The following POU2F3 variants were observed in gnomAD, a reference collection of about 807,000 sequenced individuals.
POU2F3 encodes the protein POU domain, class 2, transcription factor 3.
A neutral mutation model predicts 59.2 loss-of-function variants in POU2F3; 23 were observed. The ratio of observed to expected loss-of-function variants is 0.39; its 90% confidence interval spans 0.28 to 0.55. The LOEUF is 0.55. Among genes scored for constraint, POU2F3 ranks in the 20% least tolerant of loss-of-function variants. The probability of loss-of-function intolerance (pLI) is 0.66; values close to 1 mark genes in which losing one functional copy is unlikely to be tolerated. For missense variants in POU2F3, 473 were observed against 544.5 expected, an observed-to-expected ratio of 0.87 and a Z score of 1.31; for synonymous variants, 190 against 214.6, an observed-to-expected ratio of 0.89 and a Z score of 1.00.
chr11:120,311,606 A>G (rs1033665520), intron 10 of POU2F3, among the ~76,000 whole-genome samples: 3 of 152,146 alleles, frequency 2.0e-5, no homozygotes, highest in African/African-American at 4.8e-5. Flanking sequence ...GAGTGGGAAG[A>G]AGTGATGATT....
At chr11:120,268,401 C>T (rs1393141694) in intron 2 of POU2F3, among the ~76,000 whole-genome samples, 1 of 152,088 alleles carries the variant, frequency 6.6e-6, no homozygotes, top group Non-Finnish European at 1.5e-5. Context: ...AGTGCAGTGG[C>T]ACAATCAGGG....
At chr11:120,290,781 G>A (rs1383425130) in intron 3 of POU2F3, among the ~76,000 whole-genome samples, 1 of 152,186 alleles carries the variant, frequency 6.6e-6, no homozygotes, top group African/African-American at 2.4e-5. Context: ...TCTGTGTAGT[G>A]CTTCACGATC....
intron 3 of POU2F3, among the ~76,000 whole-genome samples, chr11:120,286,675 G>T (rs934916065): frequency 5.3e-5 from 8 of 152,258 alleles, no homozygotes; most frequent in African/African-American, 1.7e-4. Flanking sequence ...CGCTCTTTGA[G>T]TCAGTTAATG....
chr11:120,313,288 G>A (rs1467044388), intron 10 of POU2F3, among the ~76,000 whole-genome samples: 1 of 152,156 alleles, frequency 6.6e-6, no homozygotes, highest in Non-Finnish European at 1.5e-5. Flanking sequence ...GCTTTCATTC[G>A]ACACATATTT....
At chr11:120,310,083 A>G (rs1231085023) in intron 10 of POU2F3, among the ~76,000 whole-genome samples, 1 of 152,226 alleles carries the variant, frequency 6.6e-6, no homozygotes, top group African/African-American at 2.4e-5. Flanking sequence ...AGCTCTAGCC[A>G]GAGAAAGCTG....
chr11:120,245,697 G>T (rs1003969758), intron 1 of POU2F3, among the ~76,000 whole-genome samples: 2 of 152,208 alleles, frequency 1.3e-5, no homozygotes, highest in African/African-American at 4.8e-5. Flanking sequence ...TTATTGAAAT[G>T]AAGCAGGGCA....
At chr11:120,244,444 G>C (rs1298522485) in intron 1 of POU2F3, among the ~76,000 whole-genome samples, 1 of 152,180 alleles carries the variant, frequency 6.6e-6, no homozygotes, top group Non-Finnish European at 1.5e-5. Flanking sequence ...AAAACCCTGG[G>C]AAGTGTATAT....
At chr11:120,312,606 A>C (rs1941680279) in intron 10 of POU2F3, among the ~76,000 whole-genome samples, 1 of 152,232 alleles carries the variant, frequency 6.6e-6, no homozygotes, top group African/African-American at 2.4e-5. Flanking sequence ...AGTTGGAGGC[A>C]ACATGATATT....
intron 9 of POU2F3, among the ~76,000 whole-genome samples, 187 bp from the exon 10 acceptor site, chr11:120,309,238 G>T (rs993838327): frequency 3.9e-5 from 6 of 152,184 alleles, no homozygotes; most frequent in Admixed American, 3.9e-4. Context: ...TAGATGACAA[G>T]ACAGGCTCAG....
chr11:120,282,673 A>C (rs917380639), intron 3 of POU2F3, among the ~76,000 whole-genome samples: 2 of 152,242 alleles, frequency 1.3e-5, no homozygotes, highest in African/African-American at 2.4e-5. Context: ...AAACAAAAAA[A>C]AGAGAAATAT....
At chr11:120,289,166 G>A (rs1940932397) in intron 3 of POU2F3, among the ~76,000 whole-genome samples, 1 of 152,144 alleles carries the variant, frequency 6.6e-6, no homozygotes, top group Admixed American at 6.5e-5. Context: ...TTGGCTTAGG[G>A]ACCTTCAGAT....
chr11:120,251,919 C>T (rs112667243), intron 2 of POU2F3, among the ~76,000 whole-genome samples: 9,710 of 150,602 alleles, frequency 0.064, 464 homozygotes, highest in East Asian at 0.22. Context: ...CTCAGCCTCC[C>T]GAATAGCTGG....
upstream of POU2F3, chr11:120,236,698 G>C (rs752740354): frequency 2.7e-6 from 4 of 1,502,152 alleles, no homozygotes; most frequent in Non-Finnish European, 3.6e-6. Flanking sequence ...AACTGCTAAA[G>C]GAGGAAGGGG....
intron 2 of POU2F3, among the ~76,000 whole-genome samples, chr11:120,251,628 C>A (rs968569394): frequency 2.0e-5 from 3 of 152,078 alleles, no homozygotes; most frequent in Admixed American, 2.0e-4. Context: ...TCCTGATATT[C>A]CTGCTATGAA....
At position 120,240,442 on chromosome 11, in the gene POU2F3, G is replaced by A. The variant is rs113817567; in HGVS notation, c.28+71G>A. 9.9e-4 allele frequency: 1,289 copies of A among 1,299,030 alleles called. 13 individuals are homozygous for A. The African/African-American group carries it at 0.018, about 18-fold the overall frequency. The allele number at this position is 1,299,030 out of a possible 1,614,324, so 80.5% of individuals were successfully genotyped here. A position where few individuals can be genotyped will look rare whatever the true frequency, so the allele number is the denominator to read the frequency against. On this transcript the variant is annotated intron_variant, in intron 1 of 12. Transcript: ENST00000543440. ...GGCAGGGGTGAAGGAGAGGGACAAC[G>A]TTCTGGTTAGGGAGGGGGGCTTGTT...
At chr11:120,237,602 A>G (rs1938534071), upstream of POU2F3, among the ~76,000 whole-genome samples, 1 of 152,226 alleles carries the variant, frequency 6.6e-6, no homozygotes, top group African/African-American at 2.4e-5. Context: ...AAAAAGGGCA[A>G]CGGGCCCCAG....
intron 3 of POU2F3, among the ~76,000 whole-genome samples, chr11:120,281,274 G>C (rs929381353): frequency 6.6e-6 from 1 of 151,568 alleles, no homozygotes; most frequent in Non-Finnish European, 1.5e-5. Flanking sequence ...AAGCCAATAG[G>C]TTTTTTTCCA....
intron 3 of POU2F3, 114 bp downstream of exon 3, chr11:120,269,358 A>C: frequency 1.2e-6 from 1 of 868,510 alleles, no homozygotes; most frequent in Non-Finnish European, 1.8e-6. Context: ...TTATTCACAA[A>C]CCCCAACCTT....
Position 120,298,343 on chromosome 11 carries a change from A to C in POU2F3, c.211A>C (p.Met71Leu). 6.2e-7 allele frequency: 1 copy of C among 1,613,888 alleles called. No homozygotes were observed. Among genetic ancestry groups the C allele is most frequent in the Non-Finnish European group, 8.5e-7 (1 of 1,179,908 alleles). ...RPCHLSQGPA[M>L]MSGNQMSGLN... is the part of the protein sequence containing the mutation. ...ATGCCACCTGAGTCAAGGACCTGCC[A>C]TGATGTCCGGAAACCAAATGTCTGG... The change falls in exon 4 of 13, where the codon ATG (methionine) becomes CTG (leucine). Residue 71 changes from methionine to leucine, a missense_variant. Physicochemically the swap from Met to Leu is conservative, Grantham distance 15 (BLOSUM62 2). Transcript: ENST00000543440.
Sources: gnomAD v4.1 joint callset for allele counts (sites outside exome capture counted in the v4.1 genomes callset) on GRCh38, gnomAD v4.1.1 for gene constraint, MANE v1.5 for transcripts, NCBI Gene and HGNC (gene_info 2026-07-23, HGNC 2026-07-21) for gene names.